Variants in DSG1 observed in about 807,000 individuals in gnomAD.
DSG1 encodes the protein desmoglein-1.
A neutral mutation model predicts 97.5 loss-of-function variants in DSG1; 39 were observed. The ratio of observed to expected loss-of-function variants is 0.40; its 90% CI spans 0.31 to 0.52. The LOEUF is 0.52. Ranked by LOEUF, DSG1 falls within the 20% of genes least tolerant of loss-of-function variation. The pLI is 0.53. For missense variants in DSG1, 1,311 were observed against 1,295.4 expected, an observed-to-expected ratio of 1.01 and a Z score of -0.18; for synonymous variants, 475 against 443.4, an observed-to-expected ratio of 1.07 and a Z score of -0.90.
rs1383713737 is a variant in DSG1 at position 31,326,625 on chromosome 18, T to C, written c.84+9T>C. On this transcript the variant is annotated intron_variant, in intron 2 of 14. Transcript: ENST00000257192. ...GTGAATTCCGAATCCAGGTAATATA[T>C]AACAAATCCATTTTTCCAAATTTTT... 1.3e-6 allele frequency: 2 copies of C among 1,599,090 alleles called. No individual in the cohort carries two copies. The highest frequency in any genetic ancestry group is 1.7e-6 in the Non-Finnish European group (2 of 1,167,428).
Position 31,318,307 on chromosome 18 carries a change from T to C in DSG1, c.7T>C (p.Trp3Arg), listed in dbSNP as rs1351444524. The change falls in exon 1 of 15, where the codon TGG (tryptophan) becomes CGG (arginine). Residue 3 changes from tryptophan to arginine, a missense_variant. Coordinates refer to ENST00000257192, the MANE Select transcript of DSG1 (RefSeq NM_001942.4). ...GTAAGAGAATCCAGCAGAGATGGAC[T>C]GGAGTTTCTTCAGAGTAGTTGCAAT... MD[W>R]SFFRVVAMLF... The C allele has an allele frequency of 2.5e-6, 4 of 1,613,466 alleles. No individual in the cohort carries two copies. The highest frequency in any genetic ancestry group is 3.4e-6 in the Non-Finnish European group (4 of 1,179,402).
rs754178122 is a variant in DSG1 at position 31,355,201 on chromosome 18, G to A, written c.3005G>A (p.Gly1002Asp). 1 of 1,602,902 alleles carries A rather than the reference G, an allele frequency of 6.2e-7. No homozygotes were observed. The highest frequency in any genetic ancestry group is 8.5e-7 in the Non-Finnish European group (1 of 1,173,346). ...GCTGGCATAAGTGGTGGTGGCATTG[G>A]CCTGAGCAGCTTGGGAGGGACAGCC... ...SGAGISGGGI[G>D]LSSLGGTASI... Residue 1002 changes from glycine to aspartate, a missense_variant, in exon 15 of 15, where the codon GGC becomes GAC. Transcript: ENST00000257192.
rs2144102728 is a variant in DSG1 at position 31,340,036 on chromosome 18, T to C, written c.1687+11T>C. The C allele has an allele frequency of 6.2e-7, 1 of 1,613,782 alleles. No individual in the cohort carries two copies. Among genetic ancestry groups the C allele is most frequent in the Non-Finnish European group, 8.5e-7 (1 of 1,179,820 alleles). ...TCTTGGTCTTAGGATGTAAGTACTT[T>C]AGCAATCCTATGTATATGTGTCCCC... On this transcript the variant is annotated intron_variant, in intron 11 of 14. Coordinates refer to ENST00000257192, the MANE Select transcript of DSG1 (RefSeq NM_001942.4).
chr18:31,338,490 G>A, intron 10 of DSG1, 36 bp downstream of exon 10: 2 of 1,602,034 alleles, frequency 1.2e-6, no homozygotes, highest in Non-Finnish European at 1.7e-6. Flanking sequence ...CTTTTCTAGA[G>A]AAAGCTGTAT....
chr18:31,343,683 T>C lies in DSG1; in HGVS notation c.1821+100T>C, dbSNP rs2071806515. The C allele has an allele frequency of 3.2e-6, 5 of 1,556,264 alleles. No homozygotes were observed. The South Asian group carries it at 3.4e-5, about 11-fold the overall frequency. On this transcript the variant is annotated intron_variant, in intron 12 of 14. Coordinates refer to ENST00000257192, the MANE Select transcript of DSG1 (RefSeq NM_001942.4). ...GCCATCACTCACAGTCTATGCTGTT[T>C]TTTGTGCTGAGAAAGCTAATGGAGA...
At chr18:31,319,227 T>C (rs1258501407) in intron 1 of DSG1, among the ~76,000 whole-genome samples, 1 of 152,194 alleles carries the variant, frequency 6.6e-6, no homozygotes, top group South Asian at 2.1e-4. Flanking sequence ...ATCTCTCTCA[T>C]AGTAAGGTTA....
rs1478463968 is a variant in DSG1, at chr18:31,358,672, C to T, written c.*3326C>T. Among the ~76,000 whole-genome samples the T allele has an allele frequency of 6.6e-6, 1 of 151,964 alleles. No homozygotes were observed. The highest frequency in any genetic ancestry group is 1.5e-5 in the Non-Finnish European group (1 of 67,916). ...CATTATAATCTTTAGCATAAATGGCCATGACTATTTTGGAAAGACATTTAA... is the reference window on the plus strand; with the variant it reads ...CATTATAATCTTTAGCATAAATGGCTATGACTATTTTGGAAAGACATTTAA... On this transcript the variant is annotated 3_prime_UTR_variant, in exon 15 of 15. Transcript: ENST00000257192.
chr18:31,345,853 C>G, intron 13 of DSG1, 137 bp from the exon 14 acceptor site: 1 of 660,788 alleles, frequency 1.5e-6, no homozygotes, highest in Non-Finnish European at 2.7e-6. Flanking sequence ...TATCTCCTTT[C>G]TTTATGTATT....
At chr18:31,334,951 T>C (rs2071742870) in intron 8 of DSG1, among the ~76,000 whole-genome samples, 1 of 152,200 alleles carries the variant, frequency 6.6e-6, no homozygotes, top group Non-Finnish European at 1.5e-5. Context: ...ACAACAGCTG[T>C]TTATGGATTG....
At position 31,318,247 on chromosome 18, in the gene DSG1, A is replaced by G; in HGVS notation, c.-54A>G. The stretch of plus-strand genomic sequence containing the variant: ...GCTGAGTGGGAGAAAGAAAAAGAAC[A>G]GAGAAGAACAAACAAAACTCCCTTG... On this transcript the variant is annotated 5_prime_UTR_variant, in exon 1 of 15. Transcript: ENST00000257192. 1 of 1,476,304 alleles carries G rather than the reference A, an allele frequency of 6.8e-7. No homozygotes were observed. Among genetic ancestry groups the G allele is most frequent in the East Asian group, 2.3e-5 (1 of 44,324 alleles). 91.5% of individuals were successfully genotyped at this position (1,476,304 alleles called of 1,614,324 possible).
chr18:31,320,946 AGAT>A (rs2071649711), intron 1 of DSG1, among the ~76,000 whole-genome samples: 1 of 152,186 alleles, frequency 6.6e-6, no homozygotes, highest in Admixed American at 6.5e-5. Flanking sequence ...ACAAATCTGA[AGAT>A]GTCTTTTTCT....
In DSG1 at chr18:31,346,152, GA is replaced by G; in HGVS notation, c.2055del (p.Glu686LysfsTer4). On this transcript the variant is annotated frameshift_variant, in exon 14 of 15. Coordinates refer to ENST00000257192, the MANE Select transcript of DSG1 (RefSeq NM_001942.4). LOFTEE classifies it high-confidence loss of function. ...AGAAGAAATTCTATGAGGGAATGTAGAGAAGGAGGTCTGAATATGAATTTCA... is the reference window on the plus strand; with the variant it reads ...AGAAGAAATTCTATGAGGGAATGTAGGAAGGAGGTCTGAATATGAATTTCA... ...TLRRNSMREC[R>X]EGGLNMNFME... is the part of the protein sequence containing the mutation. 1 of 1,613,898 alleles carries G rather than the reference GA, an allele frequency of 6.2e-7. No homozygotes were observed. The highest frequency in any genetic ancestry group is 2.2e-5 in the East Asian group (1 of 44,864).
At chr18:31,353,224 C>CT (rs2071916406) in intron 14 of DSG1, among the ~76,000 whole-genome samples, 1 of 150,016 alleles carries the variant, frequency 6.7e-6, no homozygotes, top group Non-Finnish European at 1.5e-5. Flanking sequence ...TTGGAGTACC[C>CT]TGCCGTGTGA....
At chr18:31,334,790 G>A (rs951374775) in intron 8 of DSG1, among the ~76,000 whole-genome samples, 13 of 152,150 alleles carry the variant, frequency 8.5e-5, no homozygotes, top group South Asian at 6.2e-4. Context: ...ACTGGATGCC[G>A]TTCTCTTATG....
chr18:31,343,452 G>C lies in DSG1; in HGVS notation c.1690G>C (p.Val564Leu). 6.2e-7 allele frequency: 1 copy of C among 1,614,060 alleles called. No homozygotes were observed. Among genetic ancestry groups the C allele is most frequent in the Non-Finnish European group, 8.5e-7 (1 of 1,179,994 alleles). Residue 564 changes from valine to leucine, a missense_variant and splice_region_variant, in exon 12 of 15, where the codon GTC becomes CTC. Coordinates refer to ENST00000257192, the MANE Select transcript of DSG1 (RefSeq NM_001942.4). ...LIMGFLVLGL[V>L]PFLMICCDCG... is the part of the protein sequence containing the mutation. The stretch of plus-strand genomic sequence containing the variant: ...TATTACTATCCCTCCACCACCAGTG[G>C]TCCCATTTTTGATGATCTGTTGTGA...
intron 1 of DSG1, among the ~76,000 whole-genome samples, chr18:31,319,225 C>G (rs1338122485): frequency 6.6e-6 from 1 of 152,178 alleles, no homozygotes; most frequent in Non-Finnish European, 1.5e-5. Context: ...TAATCTCTCT[C>G]ATAGTAAGGT....
In DSG1 at chr18:31,336,384, C is replaced by A; in HGVS notation, c.1036C>A (p.Gln346Lys). The A allele has an allele frequency of 6.2e-7, 1 of 1,613,730 alleles. No homozygotes were observed. Among genetic ancestry groups the A allele is most frequent in the Non-Finnish European group, 8.5e-7 (1 of 1,179,768 alleles). Residue 346 changes from glutamine (Q) to lysine (K), a missense_variant, in exon 9 of 15, where the codon CAA (glutamine) becomes AAA (lysine). Around this residue, in one of 3 missense-constraint regions of DSG1, gnomAD observed 1,038 missense variants for 964.6 expected, o/e 1.08. Coordinates refer to ENST00000257192, the MANE Select transcript of DSG1 (RefSeq NM_001942.4). Reference protein sequence around the residue: ...PLDYEAMQSLQLSIGVRNKAE... With the variant: ...PLDYEAMQSLKLSIGVRNKAE... Reference sequence around the variant, plus strand: ...AGATTATGAAGCTATGCAGAGTCTGCAACTCAGTATTGGTGTCAGAAATAA... The same window carrying A: ...AGATTATGAAGCTATGCAGAGTCTGAAACTCAGTATTGGTGTCAGAAATAA...
At chr18:31,327,978 C>G (rs1472047780) in intron 3 of DSG1, among the ~76,000 whole-genome samples, 1 of 152,132 alleles carries the variant, frequency 6.6e-6, no homozygotes, top group Non-Finnish European at 1.5e-5. Flanking sequence ...TTCATAGAAG[C>G]AGAAACCGAA....
intron 10 of DSG1, among the ~76,000 whole-genome samples, chr18:31,338,669 A>G (rs1334243075): frequency 6.6e-6 from 1 of 152,184 alleles, no homozygotes; most frequent in Non-Finnish European, 1.5e-5. Context: ...GTCTTCCACC[A>G]TCACTTACTA....
Sources: allele counts gnomAD v4.1 joint callset (sites outside exome capture counted in the v4.1 genomes callset), GRCh38; gene constraint gnomAD v4.1.1; regional missense constraint gnomAD v4.1.1; transcripts MANE v1.5; gene names NCBI Gene and HGNC (gene_info 2026-07-23, HGNC 2026-07-21).